KDM2B: variants seen among roughly 807,000 people sequenced by gnomAD.
KDM2B encodes lysine demethylase 2B, also known as lysine-specific demethylase 2B.
KDM2B carries 26 observed loss-of-function variants against 150.0 expected under a neutral mutation model. That is an observed-to-expected ratio of 0.17 (90% CI 0.13 to 0.24). KDM2B has a LOEUF of 0.24. Ranked by LOEUF, KDM2B falls within the 10% of genes least tolerant of loss-of-function variation. KDM2B has a pLI of 1.00. For synonymous variants in KDM2B, 734 were observed against 729.5 expected (o/e 1.01, Z -0.10); for missense variants, 1,265 against 1,816.9 (o/e 0.70, Z 5.52).
chr12:121,574,407 A>G, intron 4 of KDM2B, 140 bp downstream of exon 4: 1 of 711,808 alleles, frequency 1.4e-6, no homozygotes, highest in Non-Finnish European at 2.4e-6. Flanking sequence ...AAACGGTTGC[A>G]GCTCACACCT....
chr12:121,459,066 C>A (rs1593819312), intron 12 of KDM2B, among the ~76,000 whole-genome samples: 1 of 133,690 alleles, frequency 7.5e-6, no homozygotes, highest in South Asian at 2.3e-4. Flanking sequence ...AGCCTGGCAA[C>A]AGAGCGAGAC....
chr12:121,541,340 G>C (rs1555309733), intron 6 of KDM2B, among the ~76,000 whole-genome samples: 2 of 132,814 alleles, frequency 1.5e-5, no homozygotes, highest in African/African-American at 5.9e-5. Flanking sequence ...AGGCTGCAAT[G>C]AACTGTGATT....
At chr12:121,516,569 C>T (rs954959994) in intron 9 of KDM2B, 14 of 1,421,922 alleles carry the variant, frequency 9.8e-6, no homozygotes, top group African/African-American at 1.4e-5. Flanking sequence ...TTGACAGACT[C>T]GGAGCCTCAC....
rs554712620 is a variant in KDM2B, at chr12:121,493,720, T to C, written c.1734+859A>G. 2 of 152,288 alleles carry C rather than the reference T, an allele frequency of 1.3e-5. 1 individual carries two copies. The highest frequency in any genetic ancestry group is 1.3e-4 in the Admixed American group (2 of 15,284). The allele number at this position is 152,288 out of a possible 1,614,324, so 9.4% of individuals were successfully genotyped here. On this transcript the variant is annotated intron_variant, in intron 12 of 22. Transcript: ENST00000377071. ...AGTCACAACTGTCTACCCCACAGAG[T>C]TGCTGAAGCGTAAATAAGATAAGGG... is the stretch of plus-strand genomic sequence containing the variant.
intron 11 of KDM2B, among the ~76,000 whole-genome samples, chr12:121,495,921 T>C (rs1883886704): frequency 6.6e-6 from 1 of 151,174 alleles, no homozygotes; most frequent in Admixed American, 6.6e-5. Context: ...TGCTTGGCGA[T>C]CTCCCACGAG....
chr12:121,473,323 C>T (rs369148250), intron 12 of KDM2B, among the ~76,000 whole-genome samples: 2 of 149,144 alleles, frequency 1.3e-5, no homozygotes, highest in Non-Finnish European at 3.0e-5. Flanking sequence ...ACCTGGGAGA[C>T]GGAGGTTGCA....
At chr12:121,556,643 G>C (rs1360490087) in intron 4 of KDM2B, among the ~76,000 whole-genome samples, 1 of 152,200 alleles carries the variant, frequency 6.6e-6, no homozygotes, top group Admixed American at 6.5e-5. Flanking sequence ...TTGAGGTCAA[G>C]AGTTTGAGAC....
rs1555285268 is a variant in KDM2B, at chr12:121,430,473, C to T, written c.3830-4G>A. 1.9e-6 allele frequency: 3 copies of T among 1,610,580 alleles called. No individual in the cohort carries two copies. The South Asian group carries it at 3.3e-5, about 18-fold the overall frequency. On this transcript the variant is annotated splice_region_variant and splice_polypyrimidine_tract_variant and intron_variant, in intron 22 of 22. Transcript: ENST00000377071. This position sits in a 1 kb window ranked among gnomAD's most constrained non-coding sequence, Gnocchi z 4.4. ...TGATCAGTGACCTTATTGCAGTCTG[C>T]AGAGAAGAAATAGTAATGTGAGGTG...
At position 121,443,770 on chromosome 12, in the gene KDM2B, G is replaced by C. The variant is rs1481734337; in HGVS notation, c.2475C>G (p.Pro825=). The change falls in exon 17 of 23, where the codon CCC becomes CCG. Residue 825 remains proline, a synonymous_variant. Coordinates refer to ENST00000377071, the MANE Select transcript of KDM2B (RefSeq NM_032590.5). Reference sequence around the variant, plus strand: ...TCGGCGAGAGGTGAGAGGAGGAACCGGGGGACGTTTGAAGCGATGAGGCCT... The same window carrying C: ...TCGGCGAGAGGTGAGAGGAGGAACCCGGGGACGTTTGAAGCGATGAGGCCT... The part of the protein sequence containing the change: ...RKRASSLQTS[P]GSSSHLSPRP... 8.1e-6 allele frequency: 13 copies of C among 1,606,534 alleles called. No homozygotes were observed. Among genetic ancestry groups the C allele is most frequent in the Non-Finnish European group, 1.1e-5 (13 of 1,177,148 alleles).
intron 12 of KDM2B, among the ~76,000 whole-genome samples, chr12:121,479,519 T>C (rs1406293687): frequency 6.6e-6 from 1 of 151,144 alleles, no homozygotes; most frequent in African/African-American, 2.4e-5. Flanking sequence ...GTGGTTCACA[T>C]GTGTCCCAGC....
intron 12 of KDM2B, among the ~76,000 whole-genome samples, chr12:121,478,361 C>CTT (rs34310054): frequency 1.7e-3 from 231 of 137,008 alleles, no homozygotes; most frequent in African/African-American, 2.6e-3. Flanking sequence ...CAAGTAGATC[C>CTT]TTTTTTTTTT....
At chr12:121,499,834 T>C (rs76289225) in intron 11 of KDM2B, among the ~76,000 whole-genome samples, 33,976 of 151,600 alleles carry the variant, frequency 0.22, 6,760 homozygotes, top group African/African-American at 0.54. Context: ...TCTGTGGTCT[T>C]AGCTGCTCGG....
rs1555291788 is a variant in KDM2B at position 121,452,418 on chromosome 12, G to A, written c.1959+702C>T. Among the ~76,000 whole-genome samples, 1 of 152,238 alleles carries A rather than the reference G, an allele frequency of 6.6e-6. No homozygotes were observed. Among genetic ancestry groups the A allele is most frequent in the African/African-American group, 2.4e-5 (1 of 41,472 alleles). ...CCTATGCCAGGCTGGGCCTGCAGAT[G>A]AGCGCACCAGGGCCGAGGAATCCCG... On this transcript the variant is annotated intron_variant, in intron 13 of 22. Coordinates refer to ENST00000377071, the MANE Select transcript of KDM2B (RefSeq NM_032590.5). The surrounding 1 kb of genome is among the most constrained non-coding windows in gnomAD (Gnocchi z 4.4).
At chr12:121,504,349 A>C (rs1017146654) in intron 11 of KDM2B, among the ~76,000 whole-genome samples, 4 of 152,186 alleles carry the variant, frequency 2.6e-5, no homozygotes, top group Non-Finnish European at 5.9e-5. Context: ...GGCATAAGCA[A>C]CATAGCAAGA....
chr12:121,419,265 G>A, the KDM2B span, among the ~76,000 whole-genome samples: 2 of 152,132 alleles, frequency 1.3e-5, no homozygotes, highest in African/African-American at 2.4e-5. Flanking sequence ...CTTCGTAGCC[G>A]GCCATGCCCT....
chr12:121,552,286 G>C (rs192207156), intron 4 of KDM2B, among the ~76,000 whole-genome samples: 4 of 152,264 alleles, frequency 2.6e-5, no homozygotes, highest in Admixed American at 2.6e-4. Flanking sequence ...TGGCAGAGTG[G>C]TATTTGAATC....
chr12:121,473,516 T>A (rs1408180756), intron 12 of KDM2B, among the ~76,000 whole-genome samples: 1 of 151,626 alleles, frequency 6.6e-6, no homozygotes, highest in Non-Finnish European at 1.5e-5. Context: ...CTCAGGAGTT[T>A]GAGACCAGCC....
intron 12 of KDM2B, among the ~76,000 whole-genome samples, chr12:121,457,318 GTGGCGTCATCT>G (rs1374618140): frequency 6.6e-6 from 1 of 151,910 alleles, no homozygotes; most frequent in Non-Finnish European, 1.5e-5. Flanking sequence ...CCGGAGTGCA[GTGGCGTCATCT>G]TGGCTCACTA....
At chr12:121,425,844 G>A (rs915067660), downstream of KDM2B, among the ~76,000 whole-genome samples, 1 of 150,758 alleles carries the variant, frequency 6.6e-6, no homozygotes, top group Non-Finnish European at 1.5e-5. Context: ...TCAGCTCACT[G>A]CAAATTCCAC....
Sources: gnomAD v4.1 joint callset for allele counts (sites outside exome capture counted in the v4.1 genomes callset) on GRCh38, gnomAD v4.1.1 for gene constraint, Gnocchi (gnomAD v3.1) non-coding constraint, MANE v1.5 for transcripts, NCBI Gene and HGNC (gene_info 2026-07-23, HGNC 2026-07-21) for gene names.